The following CCDC150 variants were observed in gnomAD, a reference collection of about 807,000 sequenced individuals.
CCDC150 encodes coiled-coil domain-containing protein 150.
Under a neutral mutation model 156.5 loss-of-function variants are expected in CCDC150, and 151 were observed. That is an observed-to-expected ratio of 0.97 (90% CI 0.85 to 1.10). The LOEUF is 1.10. CCDC150 is among the 50% of genes least tolerant of loss of function. The pLI is 0.00. For synonymous variants in CCDC150, 452 were observed against 429.4 expected (o/e 1.05, Z -0.65); for missense variants, 1,312 against 1,268.1 (o/e 1.03, Z -0.53).
intron 13 of CCDC150, among the ~76,000 whole-genome samples, chr2:196,683,260 GT>G (rs1190554146): frequency 1.3e-5 from 2 of 151,978 alleles, no homozygotes; most frequent in Non-Finnish European, 2.9e-5. Flanking sequence ...CTTTTGCTGT[GT>G]CTATTGAGAT....
At chr2:196,692,289 C>T (rs375283625) in intron 13 of CCDC150, among the ~76,000 whole-genome samples, 13,549 of 150,742 alleles carry the variant, frequency 0.09, 768 homozygotes, top group African/African-American at 0.16. Context: ...CGCCCGCCAC[C>T]GCGCCCGGCT....
chr2:196,686,156 G>A, intron 13 of CCDC150: 1 of 260,926 alleles, frequency 3.8e-6, no homozygotes, highest in South Asian at 5.0e-5. Flanking sequence ...TTGCATTTCT[G>A]ATATCACATG....
At position 196,639,740 on chromosome 2, in the gene CCDC150, C is replaced by T; in HGVS notation, c.-27C>T. The T allele has an allele frequency of 6.4e-7, 1 of 1,555,302 alleles. No individual in the cohort carries two copies. The highest frequency in any genetic ancestry group is 2.4e-5 in the East Asian group (1 of 42,238). On this transcript the variant is annotated 5_prime_UTR_variant, in exon 1 of 28. Coordinates refer to ENST00000389175, the MANE Select transcript of CCDC150 (RefSeq NM_001080539.2). ...AGTTCCACGGAAACCCGCTCGCCTG[C>T]TGCAGTACGGAGCCTCAGGCGGACA... is the stretch of plus-strand genomic sequence containing the variant.
At chr2:196,679,333 C>G (rs1694684344) in intron 13 of CCDC150, among the ~76,000 whole-genome samples, 2 of 152,206 alleles carry the variant, frequency 1.3e-5, no homozygotes, top group African/African-American at 4.8e-5. Context: ...TCTTCCACCT[C>G]CTTCCCCTGG....
intron 15 of CCDC150, among the ~76,000 whole-genome samples, chr2:196,702,431 G>A (rs766489445): frequency 9.9e-5 from 15 of 151,054 alleles, no homozygotes; most frequent in Non-Finnish European, 1.6e-4. Flanking sequence ...CAATATCTGG[G>A]CTTGCTGCAG....
At chr2:196,669,372 T>C (rs896610107) in intron 7 of CCDC150, among the ~76,000 whole-genome samples, 1 of 152,204 alleles carries the variant, frequency 6.6e-6, no homozygotes, top group African/African-American at 2.4e-5. Flanking sequence ...TCTGTTGTTT[T>C]ACCCCACCAG....
At chr2:196,721,353 C>CATAT (rs1199770615) in intron 20 of CCDC150, among the ~76,000 whole-genome samples, 169 bp from the exon 21 acceptor site, 3 of 133,164 alleles carry the variant, frequency 2.3e-5, no homozygotes, top group African/African-American at 8.0e-5. Context: ...TATGTGTGTG[C>CATAT]ATATATATAT....
At chr2:196,688,015 A>G (rs1401438428) in intron 13 of CCDC150, among the ~76,000 whole-genome samples, 1 of 152,192 alleles carries the variant, frequency 6.6e-6, no homozygotes, top group African/African-American at 2.4e-5. Context: ...GCCCTGTAGC[A>G]TAATTTGAAG....
intron 17 of CCDC150, among the ~76,000 whole-genome samples, chr2:196,716,063 T>A (rs1697478321): frequency 6.6e-6 from 1 of 152,208 alleles, no homozygotes; most frequent in South Asian, 2.1e-4. Flanking sequence ...AAACAGTTTC[T>A]TCAGCAAAGT....
intron 6 of CCDC150, among the ~76,000 whole-genome samples, chr2:196,666,487 C>A (rs1693846434): frequency 1.3e-5 from 2 of 152,256 alleles, no homozygotes; most frequent in South Asian, 4.1e-4. Flanking sequence ...TTCAAGTGCT[C>A]AGTAGCCACT....
chr2:196,657,161 A>G (rs745685713), intron 4 of CCDC150, 25 bp downstream of exon 4: 3 of 1,610,652 alleles, frequency 1.9e-6, no homozygotes, highest in Non-Finnish European at 2.5e-6. Context: ...GTTCTGAAGT[A>G]TAAACACACT....
chr2:196,683,571 G>T (rs1278276285), intron 13 of CCDC150, among the ~76,000 whole-genome samples: 2 of 152,074 alleles, frequency 1.3e-5, no homozygotes, highest in Admixed American at 6.5e-5. Context: ...GGAAGAGTTT[G>T]TGAGGGATTG....
At chr2:196,643,576 A>C (rs919721387) in intron 1 of CCDC150, among the ~76,000 whole-genome samples, 2 of 152,250 alleles carry the variant, frequency 1.3e-5, no homozygotes, top group African/African-American at 4.8e-5. Flanking sequence ...TACATGAAAA[A>C]ATTTTAGTTG....
intron 15 of CCDC150, among the ~76,000 whole-genome samples, chr2:196,705,239 C>T (rs1311304141): frequency 6.6e-6 from 1 of 152,146 alleles, no homozygotes; most frequent in Non-Finnish European, 1.5e-5. Flanking sequence ...TTTTAGTGAT[C>T]CCCCTTCTAA....
chr2:196,714,614 G>A (rs1442554904), intron 17 of CCDC150, among the ~76,000 whole-genome samples: 4 of 152,170 alleles, frequency 2.6e-5, no homozygotes, highest in Non-Finnish European at 5.9e-5. Flanking sequence ...CCAGCTTTGG[G>A]AAGTCAGCAA....
chr2:196,676,088 C>T, intron 10 of CCDC150, 55 bp from the exon 11 acceptor site: 1 of 1,575,088 alleles, frequency 6.3e-7, no homozygotes, highest in Non-Finnish European at 8.7e-7. Flanking sequence ...CCAAATGACA[C>T]CCTATCAAAA....
chr2:196,727,373 T>TC (rs1358294465), intron 22 of CCDC150: 2 of 151,944 alleles, frequency 1.3e-5, no homozygotes, highest in East Asian at 3.9e-4. Context: ...GCCACTGCAC[T>TC]CCAGCCTGGG....
intron 5 of CCDC150, among the ~76,000 whole-genome samples, chr2:196,659,121 G>A (rs962978759): frequency 6.6e-6 from 1 of 152,138 alleles, no homozygotes; most frequent in African/African-American, 2.4e-5. Context: ...GTTACCACTC[G>A]TGGCTGCCCG....
intron 2 of CCDC150, among the ~76,000 whole-genome samples, chr2:196,655,513 T>G (rs907571793): frequency 6.6e-6 from 1 of 152,176 alleles, no homozygotes; most frequent in Non-Finnish European, 1.5e-5. Context: ...ATTGTTTGGC[T>G]GCCCCATTAA....
Sources: allele counts gnomAD v4.1 joint callset (sites outside exome capture counted in the v4.1 genomes callset), GRCh38; gene constraint gnomAD v4.1.1; transcripts MANE v1.5; gene names NCBI Gene and HGNC (gene_info 2026-07-23, HGNC 2026-07-21).